The following COG6 variants were observed in gnomAD, a reference collection of about 807,000 sequenced individuals.
COG6 encodes component of oligomeric golgi complex 6.
COG6 carries 74 observed loss-of-function variants against 88.8 expected under a neutral mutation model. The observed-to-expected ratio is 0.83, with a 90% confidence interval of 0.69 to 1.01. The LOEUF (loss-of-function observed/expected upper bound fraction) is 1.01, where lower values mean the gene tolerates loss of function less well. Among genes scored for constraint, COG6 ranks in the 50% least tolerant of loss-of-function variants. The pLI is 0.00. For synonymous variants in COG6, 286 were observed against 278.7 expected (o/e 1.03, Z -0.26); for missense variants, 800 against 797.9 (o/e 1.00, Z -0.03).
chr13:39,655,976 C>G, intron 1 of COG6, 97 bp downstream of exon 1: 1 of 1,459,914 alleles, frequency 6.8e-7, no homozygotes, highest in Admixed American at 2.0e-5. Context: ...TCTCCCTCGT[C>G]CCGGCAGCAG....
intron 4 of COG6, among the ~76,000 whole-genome samples, chr13:39,676,488 A>G (rs528564093): frequency 6.6e-6 from 1 of 151,158 alleles, no homozygotes; most frequent in Non-Finnish European, 1.5e-5. Context: ...TGAAATAAAC[A>G]GATCTTTGCT....
At chr13:39,703,778 T>C (rs1313523239) in intron 13 of COG6, among the ~76,000 whole-genome samples, 4 of 152,198 alleles carry the variant, frequency 2.6e-5, no homozygotes, top group South Asian at 4.1e-4. Flanking sequence ...AGCAACAGGG[T>C]CTTACTGTTG....
At chr13:39,721,699 C>T (rs955611095) in intron 15 of COG6, among the ~76,000 whole-genome samples, 6 of 152,084 alleles carry the variant, frequency 3.9e-5, no homozygotes, top group African/African-American at 1.4e-4. Context: ...TCCAAAGTAA[C>T]AATTTACCTT....
chr13:39,721,793 T>G (rs1308505135), intron 15 of COG6, among the ~76,000 whole-genome samples: 1 of 152,110 alleles, frequency 6.6e-6, no homozygotes, highest in Non-Finnish European at 1.5e-5. Flanking sequence ...CTTCTTCCAG[T>G]GTTTCAAGCA....
chr13:39,737,117 G>C (rs1566034121), intron 18 of COG6, among the ~76,000 whole-genome samples: 2 of 152,078 alleles, frequency 1.3e-5, no homozygotes, highest in African/African-American at 2.4e-5. Flanking sequence ...AGAACTTCCT[G>C]GATTACCAGG....
chr13:39,750,442 G>A (rs1880561755), intron 18 of COG6, among the ~76,000 whole-genome samples: 1 of 152,186 alleles, frequency 6.6e-6, no homozygotes, highest in East Asian at 1.9e-4. Flanking sequence ...TTAGCTTGGG[G>A]TGATATAGAG....
intron 15 of COG6, 24 bp from the exon 16 acceptor site, chr13:39,723,309 T>C (rs973278061): frequency 7.0e-7 from 1 of 1,427,990 alleles, no homozygotes. Flanking sequence ...TCTTTTAAAA[T>C]GTTTTCTTTG....
chr13:39,717,364 A>G (rs1878581863), intron 13 of COG6, among the ~76,000 whole-genome samples: 2 of 151,320 alleles, frequency 1.3e-5, no homozygotes, highest in South Asian at 4.2e-4. Flanking sequence ...TTAAAGTCAA[A>G]ATTGGTAATC....
rs1284782567 is a variant in COG6 at position 39,777,764 on chromosome 13, AGTT to A, written c.1827-10570_1827-10568del. ...TCATGTGCCTTCTAACTCTCTGAGT[AGTT>A]ATTTCCATTTCCTTGATACTGAAAA... On this transcript the variant is annotated intron_variant, in intron 18 of 18. Transcript: ENST00000416691. 1.4e-4 allele frequency among the ~76,000 whole-genome samples: 21 copies of A among 152,314 alleles called. No individual in the cohort carries two copies. In the East Asian group the frequency reaches 3.7e-3, roughly 27 times the overall value.
At chr13:39,679,670 A>C (rs1437698632) in intron 6 of COG6, 50 bp downstream of exon 6, 3 of 1,069,296 alleles carry the variant, frequency 2.8e-6, no homozygotes, top group Non-Finnish European at 4.4e-6. Flanking sequence ...TGTTTCCAAA[A>C]TTTTAAAGAT....
intron 18 of COG6, among the ~76,000 whole-genome samples, chr13:39,770,859 G>A (rs1379139126): frequency 6.6e-6 from 1 of 152,216 alleles, no homozygotes; most frequent in African/African-American, 2.4e-5. Flanking sequence ...GCTGAAGCGT[G>A]TAGTTACCGC....
chr13:39,660,941 T>C, intron 3 of COG6, 60 bp downstream of exon 3: 1 of 981,240 alleles, frequency 1.0e-6, no homozygotes. Flanking sequence ...AAAATTATTA[T>C]TGACAAAATG....
intron 1 of COG6, among the ~76,000 whole-genome samples, chr13:39,658,063 C>CT (rs57263267): frequency 0.036 from 5,022 of 139,474 alleles, 182 homozygotes; most frequent in African/African-American, 0.097. Flanking sequence ...ATTCTTGTCA[C>CT]TTTTTTTTTT....
chr13:39,702,076 C>G (rs1877614461), intron 13 of COG6, among the ~76,000 whole-genome samples: 1 of 151,900 alleles, frequency 6.6e-6, no homozygotes, highest in Non-Finnish European at 1.5e-5. Context: ...CAGTTTTGTG[C>G]TAATCATCTG....
Position 39,660,862 on chromosome 13 carries a change from A to G in COG6, c.350A>G (p.Asp117Gly). The G allele has an allele frequency of 1.2e-6, 2 of 1,605,146 alleles. No homozygotes were observed. The highest frequency in any genetic ancestry group is 1.7e-6 in the Non-Finnish European group (2 of 1,172,496). Residue 117 changes from aspartate (D) to glycine (G), a missense_variant, in exon 3 of 19, where the codon GAT (aspartate) becomes GGT (glycine). Transcript: ENST00000455146. ...CAAGCAATGAGCAACTGTTGTCAAG[A>G]TATGACAAGTCGCCTACAGGTATTA... ...DVQAMSNCCQ[D>G]MTSRLQAAKE... is the part of the protein sequence containing the mutation.
intron 4 of COG6, among the ~76,000 whole-genome samples, chr13:39,675,367 A>G (rs1428655999): frequency 6.6e-6 from 1 of 152,204 alleles, no homozygotes; most frequent in Non-Finnish European, 1.5e-5. Flanking sequence ...TCACTGGACC[A>G]TCTAACAATA....
intron 18 of COG6, among the ~76,000 whole-genome samples, chr13:39,780,298 G>A (rs1432989585): frequency 2.6e-5 from 4 of 152,094 alleles, no homozygotes; most frequent in African/African-American, 9.7e-5. Context: ...TAAATGTTCA[G>A]AACTTTGCTT....
intron 18 of COG6, among the ~76,000 whole-genome samples, chr13:39,779,986 G>C (rs1881580599): frequency 2.6e-5 from 4 of 152,196 alleles, no homozygotes; most frequent in Non-Finnish European, 5.9e-5. Context: ...GAAACTTGCT[G>C]ATGGATGAAG....
chr13:39,757,106 A>C (rs1385905421), downstream of COG6, among the ~76,000 whole-genome samples: 1 of 152,252 alleles, frequency 6.6e-6, no homozygotes, highest in Non-Finnish European at 1.5e-5. Context: ...AAGTCTCAAT[A>C]AATTTTAAAA....
Sources: gnomAD v4.1 joint callset for allele counts (sites outside exome capture counted in the v4.1 genomes callset) on GRCh38, gnomAD v4.1.1 for gene constraint, MANE v1.5 for transcripts, NCBI Gene and HGNC (gene_info 2026-07-23, HGNC 2026-07-21) for gene names.